WWP2: variants seen among roughly 807,000 people sequenced by gnomAD.
The protein encoded by WWP2 is NEDD4-like E3 ubiquitin-protein ligase WWP2.
A neutral mutation model predicts 121.0 loss-of-function variants in WWP2; 57 were observed. The observed-to-expected ratio is 0.47, with a 90% CI of 0.38 to 0.59. The LOEUF (loss-of-function observed/expected upper bound fraction) is 0.59, where lower values mean the gene tolerates loss of function less well. Among genes scored for constraint, WWP2 ranks in the 20% least tolerant of loss-of-function variants. WWP2 has a pLI of 0.00. For missense variants in WWP2, 962 were observed against 1,158.9 expected, an observed-to-expected ratio of 0.83 and a Z score of 2.47; for synonymous variants, 449 against 441.3, an observed-to-expected ratio of 1.02 and a Z score of -0.22.
chr16:69,825,463 C>T (rs1386716726), intron 4 of WWP2, among the ~76,000 whole-genome samples: 4 of 150,862 alleles, frequency 2.7e-5, no homozygotes, highest in Non-Finnish European at 4.4e-5. Context: ...ACTAAAGTGG[C>T]GATACCATGG....
chr16:69,903,377 G>C (rs928265010), intron 8 of WWP2, among the ~76,000 whole-genome samples: 1 of 152,210 alleles, frequency 6.6e-6, no homozygotes, highest in Non-Finnish European at 1.5e-5. Flanking sequence ...TAGCCAAAGT[G>C]TAATAAAATC....
chr16:69,900,666 G>A (rs1011903091), intron 8 of WWP2, among the ~76,000 whole-genome samples: 3 of 152,086 alleles, frequency 2.0e-5, no homozygotes, highest in African/African-American at 7.2e-5. Context: ...GGGACTACAG[G>A]TGCGTGCCAC....
intron 8 of WWP2, 61 bp downstream of exon 8, chr16:69,888,310 G>A (rs376958344): frequency 2.6e-6 from 4 of 1,541,516 alleles, no homozygotes; most frequent in Non-Finnish European, 2.6e-6. Flanking sequence ...CTCCTTTACG[G>A]GGGTGGAAAC....
intron 6 of WWP2, among the ~76,000 whole-genome samples, chr16:69,850,849 G>GT (rs1217537047): frequency 4.6e-5 from 7 of 151,534 alleles, no homozygotes; most frequent in Non-Finnish European, 8.8e-5. Context: ...AATCTGCCGT[G>GT]TTTTTTTTAG....
At chr16:69,918,446 T>A (rs181704397) in intron 10 of WWP2, among the ~76,000 whole-genome samples, 2 of 152,222 alleles carry the variant, frequency 1.3e-5, no homozygotes, top group African/African-American at 4.8e-5. Flanking sequence ...TAAAGTTTCA[T>A]TGAAACATAA....
intron 7 of WWP2, among the ~76,000 whole-genome samples, chr16:69,884,395 GGGA>G (rs1193371344): frequency 6.6e-6 from 1 of 152,166 alleles, no homozygotes; most frequent in Admixed American, 6.5e-5. Context: ...AGGCTGAGGT[GGGA>G]GGATCGCTTG....
chr16:69,826,269 A>C (rs1346828510), intron 4 of WWP2, among the ~76,000 whole-genome samples: 1 of 3,598 alleles, frequency 2.8e-4, no homozygotes, highest in African/African-American at 7.8e-4. Flanking sequence ...CTCCGTCTCA[A>C]AAAAAAAAAA....
rs575878961 is a variant in WWP2 at position 69,790,143 on chromosome 16, A to G, written c.70+3063A>G. 4.6e-5 allele frequency among the ~76,000 whole-genome samples: 7 copies of G among 152,298 alleles called. No homozygotes were observed. In the South Asian group the frequency reaches 1.4e-3, roughly 32 times the overall value. The stretch of plus-strand genomic sequence containing the variant: ...GCGCATGTAATCCCAGCTACTTGGG[A>G]GGCTGAGGCAGGGGAACCGCCTCAA... On this transcript the variant is annotated intron_variant, in intron 2 of 23. Transcript: ENST00000359154.
At chr16:69,795,652 T>TTTTTTG (rs2056020244) in intron 2 of WWP2, among the ~76,000 whole-genome samples, 1 of 123,576 alleles carries the variant, frequency 8.1e-6, no homozygotes, top group Non-Finnish European at 1.7e-5. Flanking sequence ...ATAGGAGGTT[T>TTTTTTG]TTTTTTTTTT....
intron 8 of WWP2, among the ~76,000 whole-genome samples, chr16:69,905,371 A>G (rs559265134): frequency 3.3e-5 from 5 of 152,284 alleles, no homozygotes; most frequent in Non-Finnish European, 1.5e-5. Flanking sequence ...ACCTTCTTCC[A>G]GGAGATCAGA....
At position 69,893,917 on chromosome 16, in the gene WWP2, T is replaced by C. The variant is rs1400017918; in HGVS notation, c.914+5668T>C. ...CAGATACTGTGCAGCACGGCTCCTC[T>C]TCACTGAGGCATTTGAGCTAAGCTT... On this transcript the variant is annotated intron_variant, in intron 8 of 23. Transcript: ENST00000359154. Among the ~76,000 whole-genome samples, 3 of 152,328 alleles carry C rather than the reference T, an allele frequency of 2.0e-5. No homozygotes were observed. In the East Asian group the frequency reaches 5.8e-4, roughly 29 times the overall value.
At position 69,941,017 on chromosome 16, in the gene WWP2, G is replaced by T. The variant is rs2058873352; in HGVS notation, c.*1077G>T. 6.5e-6 allele frequency: 1 copy of T among 153,048 alleles called. No individual in the cohort carries two copies. Among genetic ancestry groups the T allele is most frequent in the South Asian group, 2.1e-4 (1 of 4,834 alleles). The allele number at this position is 153,048 out of a possible 1,614,324, so 9.5% of individuals were successfully genotyped here. A position where few individuals can be genotyped will look rare whatever the true frequency, so the allele number is the denominator to read the frequency against. On this transcript the variant is annotated 3_prime_UTR_variant, in exon 24 of 24. Coordinates refer to ENST00000359154, the MANE Select transcript of WWP2 (RefSeq NM_001270454.2). ...AGCCCCTGGAGCTCCAGGAGGGCCT[G>T]TTGGTCCCCTGTTCAGAATGGAGTG...
intron 8 of WWP2, among the ~76,000 whole-genome samples, chr16:69,897,427 CCT>C (rs2151948116): frequency 6.6e-6 from 1 of 152,118 alleles, no homozygotes; most frequent in African/African-American, 2.4e-5. Context: ...TTTTTAACCA[CCT>C]CTTTTTAACC....
chr16:69,824,187 G>A (rs563137352), intron 4 of WWP2, among the ~76,000 whole-genome samples: 22 of 152,314 alleles, frequency 1.4e-4, no homozygotes, highest in African/African-American at 4.6e-4. Context: ...TGTGGCTGCC[G>A]GAATAGCCAT....
chr16:69,923,508 G>C (rs904277132), intron 10 of WWP2, among the ~76,000 whole-genome samples: 1 of 152,104 alleles, frequency 6.6e-6, no homozygotes, highest in South Asian at 2.1e-4. Flanking sequence ...TGTCAGTAAA[G>C]ACCTTTTTGG....
chr16:69,871,387 T>C (rs2057633582), intron 6 of WWP2, among the ~76,000 whole-genome samples: 1 of 152,238 alleles, frequency 6.6e-6, no homozygotes, highest in African/African-American at 2.4e-5. Context: ...TTTCTAGCTA[T>C]AGAGAAAATT....
chr16:69,888,105 C>A lies in WWP2; in HGVS notation c.770C>A (p.Pro257His), dbSNP rs2057957192. 3 of 1,614,132 alleles carry A rather than the reference C, an allele frequency of 1.9e-6. No homozygotes were observed. Among genetic ancestry groups the A allele is most frequent in the Non-Finnish European group, 2.5e-6 (3 of 1,180,056 alleles). Residue 257 changes from proline (P) to histidine (H), a missense_variant, in exon 8 of 24, where the codon CCT becomes CAT. By Grantham distance (77) the Pro-to-His change is moderately conservative. Around this residue, in one of 3 missense-constraint regions of WWP2, gnomAD observed 211 missense variants for 196.5 expected, o/e 1.07. Coordinates refer to ENST00000359154, the MANE Select transcript of WWP2 (RefSeq NM_001270454.2). ...EPSVVGVTSP[P>H]AAPLSVTPNP... ...TCCGTTGTTGGTGTGACGTCCCCAC[C>A]TGCTGCACCCTTGAGTGTGACCCCG...
intron 8 of WWP2, among the ~76,000 whole-genome samples, chr16:69,905,824 G>T (rs1244654600): frequency 6.6e-6 from 1 of 152,176 alleles, no homozygotes; most frequent in Non-Finnish European, 1.5e-5. Context: ...TTTCAGCAAA[G>T]CATGGTGAAA....
chr16:69,838,364 A>C (rs1207008634), intron 4 of WWP2, among the ~76,000 whole-genome samples: 1 of 151,450 alleles, frequency 6.6e-6, no homozygotes, highest in African/African-American at 2.4e-5. Context: ...CCCCCTCTTA[A>C]TCCACGTGCT....
Sources: gnomAD v4.1 joint callset for allele counts (sites outside exome capture counted in the v4.1 genomes callset) on GRCh38, gnomAD v4.1.1 for gene constraint, gnomAD v4.1.1 regional missense constraint, MANE v1.5 for transcripts, NCBI Gene and HGNC (gene_info 2026-07-23, HGNC 2026-07-21) for gene names.